Variants in LRRC4C observed in about 807,000 individuals in gnomAD.
LRRC4C encodes leucine-rich repeat-containing protein 4C.
A neutral mutation model predicts 33.6 loss-of-function variants in LRRC4C; 5 were observed. The ratio of observed to expected loss-of-function variants is 0.15; its 90% CI spans 0.08 to 0.31. The LOEUF (loss-of-function observed/expected upper bound fraction) is 0.31. LRRC4C is among the 10% of genes least tolerant of loss of function. The pLI is 1.00. For synonymous variants in LRRC4C, 329 were observed against 302.0 expected, an observed-to-expected ratio of 1.09 and a Z score of -0.93; for missense variants, 560 against 796.7, an observed-to-expected ratio of 0.70 and a Z score of 3.58.
rs1855308556 is a variant in LRRC4C at position 40,114,910 on chromosome 11, A to G, written c.1383T>C (p.Thr461=). 2.5e-6 allele frequency: 4 copies of G among 1,614,164 alleles called. No homozygotes were observed. Among genetic ancestry groups the G allele is most frequent in the Non-Finnish European group, 3.4e-6 (4 of 1,180,030 alleles). The change falls in exon 7 of 7, where the codon ACT becomes ACC. Residue 461 remains threonine, a synonymous_variant. Transcript: ENST00000528697. ...FSYFSTVTVE[T]MEPSQDEART... is the part of the protein sequence containing the mutation. Reference sequence around the variant, plus strand: ...GTGCCTCATCCTGAGACGGTTCCATAGTCTCTACTGTGACGGTTGAAAAGT... The same window carrying G: ...GTGCCTCATCCTGAGACGGTTCCATGGTCTCTACTGTGACGGTTGAAAAGT...
chr11:40,506,928 A>T (rs2138679090), intron 3 of LRRC4C, among the ~76,000 whole-genome samples: 1 of 152,246 alleles, frequency 6.6e-6, no homozygotes, highest in South Asian at 2.1e-4. Flanking sequence ...ACTAGCTGTT[A>T]ATTTAGGGAA....
intron 1 of LRRC4C, among the ~76,000 whole-genome samples, chr11:41,252,485 T>A (rs1020317594): frequency 6.6e-6 from 1 of 152,240 alleles, no homozygotes; most frequent in East Asian, 1.9e-4. Flanking sequence ...CCGGACCCAA[T>A]AGTCAGGAGG....
chr11:40,218,524 A>G (rs1302187636), intron 5 of LRRC4C, among the ~76,000 whole-genome samples: 1 of 152,166 alleles, frequency 6.6e-6, no homozygotes, highest in African/African-American at 2.4e-5. Flanking sequence ...AAAGATCGTC[A>G]GAGGAACTAA....
intron 3 of LRRC4C, among the ~76,000 whole-genome samples, chr11:40,454,510 C>T (rs1017318738): frequency 2.6e-5 from 4 of 152,014 alleles, no homozygotes; most frequent in Admixed American, 2.6e-4. Flanking sequence ...TCTTATGGCA[C>T]AAAGGGAGAT....
chr11:41,110,254 A>G (rs1201309524), intron 1 of LRRC4C, among the ~76,000 whole-genome samples: 1 of 152,032 alleles, frequency 6.6e-6, no homozygotes, highest in Non-Finnish European at 1.5e-5. Flanking sequence ...ACATAATATT[A>G]TTTACTACAT....
chr11:40,764,481 T>C (rs1307213420), intron 2 of LRRC4C, among the ~76,000 whole-genome samples: 2 of 152,152 alleles, frequency 1.3e-5, no homozygotes. Flanking sequence ...TGTTCCTGAC[T>C]CCAGGCTCTG....
intron 2 of LRRC4C, among the ~76,000 whole-genome samples, chr11:40,748,822 A>C (rs1948550428): frequency 6.6e-6 from 1 of 152,156 alleles, no homozygotes; most frequent in Non-Finnish European, 1.5e-5. Context: ...ATTGCCAACA[A>C]GAATAGCTAT....
intron 2 of LRRC4C, among the ~76,000 whole-genome samples, chr11:40,923,436 T>C (rs1386092436): frequency 6.6e-6 from 1 of 152,194 alleles, no homozygotes; most frequent in Non-Finnish European, 1.5e-5. Flanking sequence ...CTTTGACCAA[T>C]AATGTGTGAG....
At chr11:40,530,060 TA>T (rs1956212647) in intron 3 of LRRC4C, among the ~76,000 whole-genome samples, 2 of 152,246 alleles carry the variant, frequency 1.3e-5, no homozygotes, top group South Asian at 4.1e-4. Context: ...ATGCTGAAAC[TA>T]CTGGTTTTTG....
rs529710251 is a variant in LRRC4C, at chr11:40,366,247, G to A, written c.-269-46526C>T. 6.6e-5 allele frequency among the ~76,000 whole-genome samples: 10 copies of A among 152,162 alleles called. No individual in the cohort carries two copies. The South Asian group carries it at 1.9e-3, about 28-fold the overall frequency. On this transcript the variant is annotated intron_variant, in intron 3 of 6. Coordinates refer to ENST00000528697, the MANE Select transcript of LRRC4C (RefSeq NM_001258419.2). The stretch of plus-strand genomic sequence containing the variant: ...CTTTCTACCTTGAGGAATTTATGGT[G>A]TATTTGGATAATAAACTGTATTCAT...
intron 3 of LRRC4C, among the ~76,000 whole-genome samples, chr11:40,472,291 A>G (rs1952982383): frequency 6.6e-6 from 1 of 151,556 alleles, no homozygotes; most frequent in Non-Finnish European, 1.5e-5. Context: ...AAATAAATAA[A>G]TAAATAAAAG....
At chr11:40,671,642 A>AGTGTGTGTGTGTG (rs1488959587) in intron 2 of LRRC4C, among the ~76,000 whole-genome samples, 49 of 88,714 alleles carry the variant, frequency 5.5e-4, no homozygotes, top group Non-Finnish European at 8.0e-5. Context: ...TCTTGTCCTT[A>AGTGTGTGTGTGTG]TTCAGTGTGT....
intron 1 of LRRC4C, among the ~76,000 whole-genome samples, chr11:41,234,813 G>A (rs1470970363): frequency 6.6e-6 from 1 of 152,056 alleles, no homozygotes; most frequent in Non-Finnish European, 1.5e-5. Context: ...TCTGAGAAGA[G>A]AGTAGTTTGT....
chr11:40,728,531 C>A (rs554307457), intron 2 of LRRC4C, among the ~76,000 whole-genome samples: 1 of 142,922 alleles, frequency 7.0e-6, no homozygotes, highest in African/African-American at 2.6e-5. Flanking sequence ...AAGGCTGAGG[C>A]GGGAGAATGG....
intron 2 of LRRC4C, among the ~76,000 whole-genome samples, chr11:40,890,530 T>G (rs551608569): frequency 4.3e-4 from 65 of 152,324 alleles, no homozygotes; most frequent in African/African-American, 1.5e-3. Flanking sequence ...ATATAAAATT[T>G]TGGAGACGTA....
chr11:40,868,240 T>C (rs1487517385), intron 2 of LRRC4C, among the ~76,000 whole-genome samples: 2 of 152,126 alleles, frequency 1.3e-5, no homozygotes, highest in Admixed American at 1.3e-4. Context: ...TATCCTTCAG[T>C]AAATATATAA....
chr11:40,892,100 ACTCCAGC>A (rs1955740458), intron 2 of LRRC4C, among the ~76,000 whole-genome samples: 1 of 144,236 alleles, frequency 6.9e-6, no homozygotes, highest in Admixed American at 7.5e-5. Flanking sequence ...GCGCCACTGC[ACTCCAGC>A]CTGGGCGACA....
chr11:40,881,781 C>T (rs988119394), intron 2 of LRRC4C, among the ~76,000 whole-genome samples: 1 of 151,676 alleles, frequency 6.6e-6, no homozygotes, highest in Non-Finnish European at 1.5e-5. Context: ...AGTAAAATAT[C>T]TCAATCTAAT....
At chr11:40,491,584 C>A (rs1024300165) in intron 3 of LRRC4C, among the ~76,000 whole-genome samples, 1 of 152,036 alleles carries the variant, frequency 6.6e-6, no homozygotes, top group Non-Finnish European at 1.5e-5. Flanking sequence ...AGCTGCTGAT[C>A]ACTTCCTGCC....
Sources: gnomAD v4.1 joint callset for allele counts (sites outside exome capture counted in the v4.1 genomes callset) on GRCh38, gnomAD v4.1.1 for gene constraint, MANE v1.5 for transcripts, NCBI Gene and HGNC (gene_info 2026-07-23, HGNC 2026-07-21) for gene names.